The following WDPCP variants were observed in gnomAD, a reference collection of about 807,000 sequenced individuals.
WDPCP encodes the protein WD repeat-containing and planar cell polarity effector protein fritz homolog.
In WDPCP, 71 loss-of-function variants were observed where a neutral mutation model predicts 93.1. That is an observed-to-expected ratio of 0.76 (90% confidence interval 0.63 to 0.93). The LOEUF is 0.93. Among genes scored for constraint, WDPCP ranks in the 40% least tolerant of loss-of-function variants. The pLI, the probability that WDPCP is intolerant of heterozygous loss-of-function variation, is 0.00. For synonymous variants in WDPCP, 315 were observed against 315.0 expected, an observed-to-expected ratio of 1.00 and a Z score of 0.00; for missense variants, 844 against 887.4, an observed-to-expected ratio of 0.95 and a Z score of 0.62.
intron 9 of WDPCP, among the ~76,000 whole-genome samples, chr2:63,405,581 G>GTGTGTC (rs1415564153): frequency 6.5e-4 from 88 of 136,376 alleles, no homozygotes; most frequent in African/African-American, 2.2e-3. Flanking sequence ...GTGTGTGTGT[G>GTGTGTC]TGTGTTGGCG....
intron 17 of WDPCP, among the ~76,000 whole-genome samples, chr2:63,134,798 C>T (rs1385775359): frequency 6.6e-6 from 1 of 152,072 alleles, no homozygotes; most frequent in East Asian, 1.9e-4. Context: ...TGCTGTGTAT[C>T]TCAGTTAAGG....
At chr2:63,570,715 G>T (rs1473991195) in intron 1 of WDPCP, among the ~76,000 whole-genome samples, 1 of 152,062 alleles carries the variant, frequency 6.6e-6, no homozygotes, top group Admixed American at 6.6e-5. Flanking sequence ...TCATATTTTT[G>T]ACAAATACTT....
At chr2:63,505,115 G>A (rs1348949911) in intron 1 of WDPCP, among the ~76,000 whole-genome samples, 1 of 151,964 alleles carries the variant, frequency 6.6e-6, no homozygotes, top group South Asian at 2.1e-4. Context: ...ATGTAAACAA[G>A]CCCTAAATAG....
intron 6 of WDPCP, among the ~76,000 whole-genome samples, chr2:63,465,762 C>T (rs1448236793): frequency 6.6e-6 from 1 of 152,158 alleles, no homozygotes; most frequent in African/African-American, 2.4e-5. Flanking sequence ...CACCCTAATT[C>T]CTGTTCTATG....
At chr2:63,399,642 AAGAG>A (rs754054843) in intron 10 of WDPCP, among the ~76,000 whole-genome samples, 1 of 149,234 alleles carries the variant, frequency 6.7e-6, no homozygotes, top group African/African-American at 2.5e-5. Flanking sequence ...GTATGTGAGA[AAGAG>A]AGAGCATGAG....
At chr2:63,146,528 G>A (rs1192010188) in intron 17 of WDPCP, among the ~76,000 whole-genome samples, 5 of 150,844 alleles carry the variant, frequency 3.3e-5, no homozygotes, top group African/African-American at 9.8e-5. Context: ...ACAGGCACAC[G>A]CCACCATGCC....
intron 3 of WDPCP, chr2:63,600,136 T>C (rs979525709): frequency 9.2e-5 from 14 of 152,260 alleles, no homozygotes; most frequent in Non-Finnish European, 1.9e-4. Context: ...AACCAGAAGA[T>C]GCTGTGAGGT....
chr2:63,641,334 C>T (rs1279034848), intron 3 of WDPCP, among the ~76,000 whole-genome samples: 5 of 151,804 alleles, frequency 3.3e-5, no homozygotes, highest in South Asian at 2.1e-4. Context: ...AGTATATACC[C>T]AGCTCTATAT....
intron 2 of WDPCP, among the ~76,000 whole-genome samples, chr2:63,664,089 G>C (rs1216038072): frequency 1.3e-5 from 2 of 152,132 alleles, no homozygotes; most frequent in Non-Finnish European, 2.9e-5. Context: ...ATCATTTTTA[G>C]AACATGCAGA....
chr2:63,436,870 G>T (rs1175898693), intron 8 of WDPCP, among the ~76,000 whole-genome samples: 1 of 152,040 alleles, frequency 6.6e-6, no homozygotes, highest in Non-Finnish European at 1.5e-5. Flanking sequence ...ATACAGGAAG[G>T]AAACAAATTA....
intron 2 of WDPCP, among the ~76,000 whole-genome samples, chr2:63,670,658 G>A (rs1710334951): frequency 6.6e-6 from 1 of 152,118 alleles, no homozygotes; most frequent in African/African-American, 2.4e-5. Flanking sequence ...AAATGAGATG[G>A]AGGAAAGCGG....
chr2:63,746,150 C>T (rs1351380693), intron 2 of WDPCP, among the ~76,000 whole-genome samples: 2 of 152,050 alleles, frequency 1.3e-5, no homozygotes, highest in African/African-American at 4.8e-5. Context: ...TATTAGTTCC[C>T]CAAATTAATA....
intron 12 of WDPCP, among the ~76,000 whole-genome samples, chr2:63,341,408 C>A (rs1427708777): frequency 1.3e-5 from 2 of 152,166 alleles, no homozygotes; most frequent in Non-Finnish European, 2.9e-5. Context: ...GGATTACAGG[C>A]GTGAGCCACC....
chr2:63,457,629 G>A (rs922105707), intron 6 of WDPCP, among the ~76,000 whole-genome samples: 1 of 152,084 alleles, frequency 6.6e-6, no homozygotes, highest in Non-Finnish European at 1.5e-5. Flanking sequence ...ATGTATCCCA[G>A]GGGTGCAAGG....
At chr2:63,208,283 G>A (rs761802318) in intron 14 of WDPCP, among the ~76,000 whole-genome samples, 1 of 151,994 alleles carries the variant, frequency 6.6e-6, no homozygotes, top group Non-Finnish European at 1.5e-5. Context: ...CTTTGTTCTT[G>A]TTCATTTTTA....
At chr2:63,587,561 TA>T (rs1708946999) in intron 1 of WDPCP, among the ~76,000 whole-genome samples, 1 of 152,278 alleles carries the variant, frequency 6.6e-6, no homozygotes, top group Non-Finnish European at 1.5e-5. Flanking sequence ...CTAACAATGT[TA>T]TCTAATAGAG....
At chr2:63,815,596 A>G (rs1052262824) in intron 1 of WDPCP, among the ~76,000 whole-genome samples, 2 of 152,170 alleles carry the variant, frequency 1.3e-5, no homozygotes, top group Admixed American at 1.3e-4. Flanking sequence ...TGACATTCAG[A>G]CACATACTCT....
At chr2:63,210,690 G>A (rs1440228324) in intron 14 of WDPCP, among the ~76,000 whole-genome samples, 2 of 152,212 alleles carry the variant, frequency 1.3e-5, no homozygotes, top group Non-Finnish European at 2.9e-5. Context: ...AGGGGTCAGG[G>A]AATTCCCTTT....
intron 14 of WDPCP, among the ~76,000 whole-genome samples, chr2:63,198,739 T>C (rs775216893): frequency 5.3e-5 from 8 of 152,202 alleles, no homozygotes; most frequent in African/African-American, 1.2e-4. Context: ...TAGTTCTTTA[T>C]AGCAGTGTGA....
Sources: allele counts gnomAD v4.1 joint callset (sites outside exome capture counted in the v4.1 genomes callset), GRCh38; gene constraint gnomAD v4.1.1; transcripts MANE v1.5; gene names NCBI Gene and HGNC (gene_info 2026-07-23, HGNC 2026-07-21).